Variants in TMEM255B observed in about 807,000 individuals in gnomAD.
The protein encoded by TMEM255B is transmembrane protein 255B, also known as family with sequence similarity 70, member B.
In TMEM255B, 35 loss-of-function variants were observed where a neutral mutation model predicts 34.5. The ratio of observed to expected loss-of-function variants is 1.01; its 90% CI spans 0.77 to 1.34. The LOEUF (loss-of-function observed/expected upper bound fraction) is 1.34. Ranked by LOEUF, TMEM255B falls within the 40% of genes most tolerant of loss-of-function variation. The pLI, the probability that TMEM255B is intolerant of heterozygous loss-of-function variation, is 0.00. For missense variants in TMEM255B, 432 were observed against 433.2 expected (o/e 1.00, Z 0.02); for synonymous variants, 206 against 201.2 (o/e 1.02, Z -0.20).
At position 113,770,940 on chromosome 13, in the gene TMEM255B, G is replaced by A. The variant is rs1237432988; in HGVS notation, c.252+1780G>A. On this transcript the variant is annotated intron_variant, in intron 3 of 8. Coordinates refer to ENST00000375353, the MANE Select transcript of TMEM255B (RefSeq NM_182614.4). This position sits in a 1 kb window ranked among gnomAD's most constrained non-coding sequence, Gnocchi z 4.6. ...GCTGGGTGTGAAGCTGGGCTTTGGC[G>A]ATGCACAGGATGGGTGGACAGTGTG... Among the ~76,000 whole-genome samples, 2 of 152,200 alleles carry A rather than the reference G, an allele frequency of 1.3e-5. No individual in the cohort carries two copies. Among genetic ancestry groups the A allele is most frequent in the Non-Finnish European group, 1.5e-5 (1 of 68,044 alleles).
intron 2 of TMEM255B, among the ~76,000 whole-genome samples, chr13:113,767,344 T>TTGCAAGAG (rs1338976773): frequency 1.3e-5 from 2 of 152,198 alleles, no homozygotes; most frequent in Non-Finnish European, 2.9e-5. Context: ...ATCAGTAAAA[T>TTGCAAGAG]TGCAAGAGGC....
At chr13:113,766,316 C>G (rs1050053526) in intron 2 of TMEM255B, 59 bp downstream of exon 2, 1 of 1,608,840 alleles carries the variant, frequency 6.2e-7, no homozygotes. Context: ...GTGGCTCTCT[C>G]AGGGTGGAGT....
At chr13:113,799,104 C>T (rs922721049) in intron 4 of TMEM255B, among the ~76,000 whole-genome samples, 12 of 152,326 alleles carry the variant, frequency 7.9e-5, no homozygotes, top group Middle Eastern at 3.4e-3. Flanking sequence ...ATGCATGGCC[C>T]GAGGTACCCT....
intron 3 of TMEM255B, among the ~76,000 whole-genome samples, chr13:113,791,707 C>T (rs901039470): frequency 1.3e-5 from 2 of 152,210 alleles, no homozygotes; most frequent in African/African-American, 4.8e-5. Context: ...AAGGATGGGT[C>T]GAGCGAAAGA....
rs1164575211 is a variant in TMEM255B at position 113,770,747 on chromosome 13, G to A, written c.252+1587G>A. Among the ~76,000 whole-genome samples the A allele has an allele frequency of 6.6e-6, 1 of 152,178 alleles. No individual in the cohort carries two copies. Among genetic ancestry groups the A allele is most frequent in the Non-Finnish European group, 1.5e-5 (1 of 68,032 alleles). ...CCTCACACACACCAGTCACAGAATG[G>A]TGTTGGAAACAGACGCCACCTTTGG... On this transcript the variant is annotated intron_variant, in intron 3 of 8. Coordinates refer to ENST00000375353, the MANE Select transcript of TMEM255B (RefSeq NM_182614.4). This position sits in a 1 kb window ranked among gnomAD's most constrained non-coding sequence, Gnocchi z 4.6.
rs758919464 is a variant in TMEM255B at position 113,812,163 on chromosome 13, C to T, written c.*260C>T. The T allele has an allele frequency of 3.7e-4, 196 of 523,464 alleles. No individual in the cohort carries two copies. Among genetic ancestry groups the T allele is most frequent in the Middle Eastern group, 1.0e-3 (2 of 2,006 alleles). 32.4% of individuals were successfully genotyped at this position (523,464 alleles called of 1,614,324 possible). A position where few individuals can be genotyped will look rare whatever the true frequency, so the allele number is the denominator to read the frequency against. ...GGCGCTGAAAGTTCCCACCCGGCCT[C>T]CTCCTCTGAGAGCAATTGTTCTGGT... On this transcript the variant is annotated 3_prime_UTR_variant, in exon 9 of 9. Transcript: ENST00000375353.
Position 113,815,184 on chromosome 13 carries a change from A to G in TMEM255B, c.*3281A>G, listed in dbSNP as rs888016211. 3 of 152,282 alleles carry G rather than the reference A, an allele frequency of 2.0e-5. No homozygotes were observed. The highest frequency in any genetic ancestry group is 3.9e-4 in the East Asian group (2 of 5,138). The allele number at this position is 152,282 out of a possible 1,614,324, so 9.4% of individuals were successfully genotyped here. ...TCACAAGAGCTCCCAAGCAGAGGCA[A>G]CTACTGAGTGGGGGAGGGACACAGT... is the stretch of plus-strand genomic sequence containing the variant. On this transcript the variant is annotated 3_prime_UTR_variant, in exon 9 of 9. Transcript: ENST00000375353.
chr13:113,810,948 A>G (rs74118474), intron 8 of TMEM255B, among the ~76,000 whole-genome samples: 26,400 of 152,054 alleles, frequency 0.17, 4,076 homozygotes, highest in African/African-American at 0.41. Flanking sequence ...GGTGGACCCT[A>G]ACTGTTGGTT....
intron 8 of TMEM255B, among the ~76,000 whole-genome samples, chr13:113,810,885 G>A (rs979222762): frequency 6.6e-6 from 1 of 152,218 alleles, no homozygotes; most frequent in Non-Finnish European, 1.5e-5. Context: ...GGGTTCATAC[G>A]TGGGGCCTTT....
intron 3 of TMEM255B, among the ~76,000 whole-genome samples, chr13:113,781,258 G>GA (rs2050662358): frequency 6.6e-6 from 1 of 152,144 alleles, no homozygotes; most frequent in African/African-American, 2.4e-5. Flanking sequence ...TTAATTTGCA[G>GA]AAAAACTGGA....
chr13:113,802,651 T>A (rs918085484), intron 7 of TMEM255B, among the ~76,000 whole-genome samples: 1 of 119,160 alleles, frequency 8.4e-6, no homozygotes, highest in African/African-American at 2.9e-5. Flanking sequence ...TCCCAGAGGC[T>A]GTCCATGACT....
Position 113,804,790 on chromosome 13 carries a change from C to A in TMEM255B, c.670-95C>A, listed in dbSNP as rs373959830. 1.4e-5 allele frequency: 16 copies of A among 1,154,532 alleles called. No homozygotes were observed. The African/African-American group carries it at 2.4e-4, about 17-fold the overall frequency. The allele number at this position is 1,154,532 out of a possible 1,614,324, so 71.5% of individuals were successfully genotyped here. A position where few individuals can be genotyped will look rare whatever the true frequency, so the allele number is the denominator to read the frequency against. ...CCGGGGTTAGTTCCAGCCTGAGAGT[C>A]GGGGGTCGAGGGTGCTGGGCTTTCT... On this transcript the variant is annotated intron_variant, in intron 7 of 8. Coordinates refer to ENST00000375353, the MANE Select transcript of TMEM255B (RefSeq NM_182614.4).
Position 113,816,111 on chromosome 13 carries a change from C to G in TMEM255B, c.*4208C>G, listed in dbSNP as rs75065252. ...CACGGGTTCTTTTCGGGGAGGCAAG[C>G]GTGTTTGCAGCGTGTTCTGGATGGG... On this transcript the variant is annotated 3_prime_UTR_variant, in exon 9 of 9. Transcript: ENST00000375353. 14 of 157,974 alleles carry G rather than the reference C, an allele frequency of 8.9e-5. 1 individual carries two copies. Among genetic ancestry groups the G allele is most frequent in the African/African-American group, 4.2e-4 (14 of 33,640 alleles). 9.8% of individuals were successfully genotyped at this position (157,974 alleles called of 1,614,324 possible).
intron 3 of TMEM255B, among the ~76,000 whole-genome samples, chr13:113,776,644 C>A (rs1239741368): frequency 1.3e-5 from 2 of 152,220 alleles, no homozygotes; most frequent in Non-Finnish European, 2.9e-5. Flanking sequence ...CCTCCCTGGG[C>A]ACGCCTGGTT....
At chr13:113,765,858 C>G (rs1476553549) in intron 1 of TMEM255B, among the ~76,000 whole-genome samples, 1 of 152,232 alleles carries the variant, frequency 6.6e-6, no homozygotes, top group African/African-American at 2.4e-5. Flanking sequence ...TTCTAGTTTG[C>G]TTTCTTGAGT....
intron 1 of TMEM255B, 72 bp from the exon 2 acceptor site, chr13:113,766,043 C>T (rs2050382480): frequency 1.3e-6 from 2 of 1,592,354 alleles, no homozygotes; most frequent in African/African-American, 1.3e-5. Context: ...GGAGCACGGC[C>T]CAGAGCCTGC....
intron 3 of TMEM255B, among the ~76,000 whole-genome samples, chr13:113,785,443 G>T (rs2050726103): frequency 6.6e-6 from 1 of 152,212 alleles, no homozygotes. Flanking sequence ...GACTCAGCTG[G>T]CACTAGGGTC....
At chr13:113,790,893 C>G (rs375086400) in intron 3 of TMEM255B, among the ~76,000 whole-genome samples, 1 of 152,244 alleles carries the variant, frequency 6.6e-6, no homozygotes, top group Admixed American at 6.5e-5. Flanking sequence ...CGTGGCCACA[C>G]TCTCGCTGAA....
intron 2 of TMEM255B, chr13:113,768,283 G>A (rs1166227445): frequency 2.2e-6 from 1 of 464,652 alleles, no homozygotes; most frequent in Non-Finnish European, 4.5e-6. Context: ...TTGCTGAAAT[G>A]CATGTTCTTC....
Sources: allele counts gnomAD v4.1 joint callset (sites outside exome capture counted in the v4.1 genomes callset), GRCh38; gene constraint gnomAD v4.1.1; non-coding constraint Gnocchi (gnomAD v3.1); transcripts MANE v1.5; gene names NCBI Gene and HGNC (gene_info 2026-07-23, HGNC 2026-07-21).